MYT1L: variants seen among roughly 807,000 people sequenced by gnomAD.
The protein encoded by MYT1L is myelin transcription factor 1-like protein.
A neutral mutation model predicts 126.7 loss-of-function variants in MYT1L; 12 were observed. The observed-to-expected ratio is 0.09, with a 90% CI of 0.06 to 0.15. The LOEUF is 0.15. Among genes scored for constraint, MYT1L ranks in the 10% least tolerant of loss-of-function variants. The probability of loss-of-function intolerance (pLI) is 1.00; values close to 1 mark genes in which losing one functional copy is unlikely to be tolerated. For missense variants in MYT1L, 979 were observed against 1,585.2 expected (o/e 0.62, Z 6.49); for synonymous variants, 541 against 604.2 (o/e 0.90, Z 1.53).
At chr2:2,032,743 G>C (rs1209098105) in intron 4 of MYT1L, among the ~76,000 whole-genome samples, 12 of 69,916 alleles carry the variant, frequency 1.7e-4, no homozygotes, top group East Asian at 9.1e-4. Flanking sequence ...ACACACACCC[G>C]TCGCCAGTGC....
chr2:1,960,923 T>A (rs1429661425), intron 8 of MYT1L, among the ~76,000 whole-genome samples: 1 of 152,240 alleles, frequency 6.6e-6, no homozygotes, highest in African/African-American at 2.4e-5. Flanking sequence ...TTCCAGTGCA[T>A]GTGTGCATCT....
At chr2:2,139,289 C>T (rs1401422746) in intron 3 of MYT1L, among the ~76,000 whole-genome samples, 1 of 152,024 alleles carries the variant, frequency 6.6e-6, no homozygotes, top group African/African-American at 2.4e-5. Flanking sequence ...TAAACTGTAG[C>T]TGCCAGAGTG....
intron 2 of MYT1L, among the ~76,000 whole-genome samples, chr2:2,236,830 T>TCGCTCTTG (rs2094333371): frequency 7.0e-6 from 1 of 143,054 alleles, no homozygotes; most frequent in Admixed American, 7.2e-5. Context: ...TTTTTTTTTT[T>TCGCTCTTG]TTGATGGAGT....
intron 3 of MYT1L, among the ~76,000 whole-genome samples, chr2:2,082,636 G>T (rs1384257081): frequency 6.6e-6 from 1 of 152,204 alleles, no homozygotes; most frequent in Non-Finnish European, 1.5e-5. Flanking sequence ...AGCCATGTTA[G>T]TGAGGGGACA....
At chr2:2,169,148 G>A in intron 3 of MYT1L, among the ~76,000 whole-genome samples, 1 of 152,192 alleles carries the variant, frequency 6.6e-6, no homozygotes, top group East Asian at 1.9e-4. Context: ...AGATGATGGG[G>A]TAGAATTAGG....
At chr2:2,277,138 C>A (rs764387518) in intron 2 of MYT1L, among the ~76,000 whole-genome samples, 14 of 152,100 alleles carry the variant, frequency 9.2e-5, no homozygotes, top group Non-Finnish European at 1.8e-4. Flanking sequence ...CCCGCCACCA[C>A]CCCCGGCTAA....
intron 2 of MYT1L, among the ~76,000 whole-genome samples, chr2:2,220,585 T>G (rs1426936477): frequency 6.6e-6 from 1 of 152,152 alleles, no homozygotes; most frequent in Non-Finnish European, 1.5e-5. Context: ...GAAAAAGATC[T>G]TGTTATGTTA....
chr2:2,281,226 C>T (rs1025205503), intron 2 of MYT1L, among the ~76,000 whole-genome samples: 2 of 152,202 alleles, frequency 1.3e-5, no homozygotes, highest in East Asian at 3.9e-4. Context: ...AGATGCCTTT[C>T]TTCAGCTTTG....
chr2:2,001,237 C>CTT (rs11389323), intron 4 of MYT1L, among the ~76,000 whole-genome samples: 1,484 of 103,784 alleles, frequency 0.014, 15 homozygotes, highest in Admixed American at 0.025. Flanking sequence ...TTGGTTTTAG[C>CTT]TTTTTTTTTT....
intron 2 of MYT1L, among the ~76,000 whole-genome samples, chr2:2,275,613 A>C (rs1468882466): frequency 6.6e-6 from 1 of 152,078 alleles, no homozygotes; most frequent in African/African-American, 2.4e-5. Flanking sequence ...CCTCTTTAAA[A>C]CACCAGCTCC....
Position 1,839,196 on chromosome 2 carries a change from T to C in MYT1L, c.3033A>G (p.Gly1011=), listed in dbSNP as rs6728368. The change falls in exon 21 of 25, where the codon GGA becomes GGG. Residue 1011 remains glycine, a synonymous_variant. Coordinates refer to ENST00000647738, the MANE Select transcript of MYT1L (RefSeq NM_001303052.2). ...KTEGMSCPTP[G]CDGSGHVSGS... is the part of the protein sequence containing the mutation. ...CGCTGACGTGGCCTGAGCCGTCGCA[T>C]CCTGGCGTGGGGCAGGACATGCCTT... 0.35 allele frequency: 559,394 copies of C among 1,613,228 alleles called. 100,716 individuals are homozygous for C. The highest frequency in any genetic ancestry group is 0.63 in the East Asian group (28,275 of 44,850).
intron 2 of MYT1L, among the ~76,000 whole-genome samples, chr2:2,215,126 A>G (rs1278761089): frequency 6.6e-6 from 1 of 152,216 alleles, no homozygotes; most frequent in Non-Finnish European, 1.5e-5. Flanking sequence ...CAAATAATCT[A>G]AAGCAAGGCA....
chr2:1,919,179 T>G (rs141406903), intron 10 of MYT1L, among the ~76,000 whole-genome samples: 2 of 152,294 alleles, frequency 1.3e-5, no homozygotes, highest in East Asian at 3.9e-4. Context: ...AAGTAGGGAT[T>G]TGCATGAAAA....
intron 2 of MYT1L, among the ~76,000 whole-genome samples, chr2:2,180,620 G>T (rs762369409): frequency 5.7e-5 from 7 of 123,074 alleles, no homozygotes; most frequent in Non-Finnish European, 1.1e-4. Flanking sequence ...TTATGTACCT[G>T]TGTGTAGCTG....
chr2:1,938,883 A>C lies in MYT1L; in HGVS notation c.505+4099T>G, dbSNP rs542032348. Among the ~76,000 whole-genome samples the C allele has an allele frequency of 2.6e-5, 4 of 152,356 alleles. No homozygotes were observed. The South Asian group carries it at 8.3e-4, about 32-fold the overall frequency. On this transcript the variant is annotated intron_variant, in intron 9 of 24. Transcript: ENST00000647738. ...AATAAATACTTAATCTTAAATTATAAACAATAGTCCTTCTATAACCTGTGG... is the reference window on the plus strand; with the variant it reads ...AATAAATACTTAATCTTAAATTATACACAATAGTCCTTCTATAACCTGTGG...
chr2:1,973,168 T>C (rs912753492), intron 8 of MYT1L, among the ~76,000 whole-genome samples: 57 of 152,354 alleles, frequency 3.7e-4, no homozygotes, highest in Middle Eastern at 3.4e-3. Flanking sequence ...TGGCAGCTTA[T>C]ACAAAAATCA....
chr2:1,804,106 A>G (rs917481468), intron 22 of MYT1L, among the ~76,000 whole-genome samples: 1 of 152,002 alleles, frequency 6.6e-6, no homozygotes, highest in Non-Finnish European at 1.5e-5. Context: ...GGCTGGAACT[A>G]GGGTTTTTTT....
chr2:1,930,327 C>T (rs1312336087), intron 9 of MYT1L, among the ~76,000 whole-genome samples: 1 of 152,246 alleles, frequency 6.6e-6, no homozygotes, highest in Admixed American at 6.5e-5. Context: ...GCACACCTGC[C>T]TCTCAAGGCA....
chr2:2,004,855 C>G (rs1277968931), intron 4 of MYT1L, among the ~76,000 whole-genome samples: 2 of 151,108 alleles, frequency 1.3e-5, no homozygotes. Flanking sequence ...TGCGCTCTTT[C>G]CTGCATGCGT....
Sources: gnomAD v4.1 joint callset for allele counts (sites outside exome capture counted in the v4.1 genomes callset) on GRCh38, gnomAD v4.1.1 for gene constraint, MANE v1.5 for transcripts, NCBI Gene and HGNC (gene_info 2026-07-23, HGNC 2026-07-21) for gene names.